DHRS7C: variants seen among roughly 807,000 people sequenced by gnomAD.
The protein encoded by DHRS7C is dehydrogenase/reductase SDR family member 7C.
In DHRS7C, 28 loss-of-function variants were observed where a neutral mutation model predicts 29.6. The ratio of observed to expected loss-of-function variants is 0.95; its 90% CI spans 0.70 to 1.30. The LOEUF (loss-of-function observed/expected upper bound fraction) is 1.30. Ranked by LOEUF, DHRS7C falls within the 50% of genes most tolerant of loss-of-function variation. The probability of loss-of-function intolerance (pLI) is 0.00; values close to 1 mark genes in which losing one functional copy is unlikely to be tolerated. For missense variants in DHRS7C, 403 were observed against 393.3 expected (o/e 1.02, Z -0.21); for synonymous variants, 158 against 160.2 (o/e 0.99, Z 0.10).
At chr17:9,780,168 G>A (rs998307626) in intron 2 of DHRS7C, 133 bp from the exon 3 acceptor site, 41 of 778,494 alleles carry the variant, frequency 5.3e-5, no homozygotes, top group Non-Finnish European at 6.8e-5. Flanking sequence ...AAAAAAAGAC[G>A]AAGAAGCAGA....
At chr17:9,790,238 C>A (rs1787944981) in intron 1 of DHRS7C, among the ~76,000 whole-genome samples, 1 of 152,082 alleles carries the variant, frequency 6.6e-6, no homozygotes, top group African/African-American at 2.4e-5. Flanking sequence ...TACTGAGTTA[C>A]TAATGAATGT....
chr17:9,787,918 C>T (rs1030547350), intron 1 of DHRS7C, among the ~76,000 whole-genome samples: 2 of 152,078 alleles, frequency 1.3e-5, no homozygotes, highest in African/African-American at 4.8e-5. Flanking sequence ...ACTATGTTGC[C>T]CAGGCTGGTC....
intron 2 of DHRS7C, among the ~76,000 whole-genome samples, chr17:9,780,517 C>T (rs2066387740): frequency 6.6e-6 from 1 of 152,198 alleles, no homozygotes; most frequent in Admixed American, 6.5e-5. Flanking sequence ...GAAGCACCTA[C>T]TATGTGCCAG....
At position 9,773,741 on chromosome 17, in the gene DHRS7C, T is replaced by TTTC. The variant is rs57969612; in HGVS notation, c.572-820_572-819insGAA. On this transcript the variant is annotated intron_variant, in intron 4 of 5. Coordinates refer to ENST00000571134, the MANE Select transcript of DHRS7C (RefSeq NM_001105571.3). ...GGCCTTTTTTTTTTTTTTTTTTTTT[T>TTTC]TGAGACGGCGTCTCACTCTGTTGCC... Among the ~76,000 whole-genome samples, 483 of 129,308 alleles carry TTTC rather than the reference T, an allele frequency of 3.7e-3. 43 individuals are homozygous for TTTC. Among genetic ancestry groups the TTTC allele is most frequent in the African/African-American group, 0.012 (358 of 31,094 alleles). 84.8% of individuals were successfully genotyped at this position (129,308 alleles called of 152,430 possible). A position where few individuals can be genotyped will look rare whatever the true frequency, so the allele number is the denominator to read the frequency against.
Position 9,772,866 on chromosome 17 carries a change from C to G in DHRS7C, c.628G>C (p.Glu210Gln), listed in dbSNP as rs201924684. The change falls in exon 5 of 6, where the codon GAG (glutamate) becomes CAG (glutamine). Residue 210 changes from glutamate (E) to glutamine (Q), a missense_variant. Physicochemically the swap from Glu to Gln is conservative, Grantham distance 29 (BLOSUM62 2). Transcript: ENST00000571134. ...GFFDCLRAEV[E>Q]EYDVVISTVS... ...GTGCTGATGACAACATCGTATTCCT[C>G]CACTTCGGCTCGGAGGCAGTCAAAG... 141 of 1,613,924 alleles carry G rather than the reference C, an allele frequency of 8.7e-5. No homozygotes were observed. In the African/African-American group the frequency reaches 1.5e-3, roughly 17 times the overall value.
intron 1 of DHRS7C, among the ~76,000 whole-genome samples, chr17:9,785,510 A>G (rs571178170): frequency 6.6e-6 from 1 of 152,356 alleles, no homozygotes; most frequent in East Asian, 1.9e-4. Flanking sequence ...GAGTTGGTTG[A>G]GAGCTCGTCT....
At chr17:9,783,828 C>A (rs753427561) in intron 1 of DHRS7C, among the ~76,000 whole-genome samples, 21 of 151,954 alleles carry the variant, frequency 1.4e-4, no homozygotes, top group Non-Finnish European at 2.5e-4. Context: ...TTAATCCCAG[C>A]TGCTTGGGTG....
chr17:9,776,195 T>G (rs2066361648), intron 4 of DHRS7C, among the ~76,000 whole-genome samples: 1 of 152,050 alleles, frequency 6.6e-6, no homozygotes, highest in Non-Finnish European at 1.5e-5. Flanking sequence ...AGAGTGAGAT[T>G]CTGTCTCAAA....
chr17:9,772,685 A>G (rs2066337365), intron 5 of DHRS7C, 82 bp downstream of exon 5: 4 of 1,516,708 alleles, frequency 2.6e-6, no homozygotes, highest in Non-Finnish European at 3.6e-6. Context: ...AGGAGTACCC[A>G]TCTGAAGGTC....
intron 3 of DHRS7C, among the ~76,000 whole-genome samples, chr17:9,778,537 C>G (rs1282979103): frequency 6.6e-6 from 1 of 152,320 alleles, no homozygotes; most frequent in East Asian, 1.9e-4. Context: ...TTCCACTCCA[C>G]TTTCTTGGTT....
chr17:9,791,119 A>C lies in DHRS7C; in HGVS notation c.154+12T>G. On this transcript the variant is annotated intron_variant, in intron 1 of 5. Transcript: ENST00000571134. The stretch of plus-strand genomic sequence containing the variant: ...GCAGAAATGGGCACAGGTGGGAGCA[A>C]AGCCAGCTTACCCTTGCCCAGTCCT... The C allele has an allele frequency of 1.2e-6, 2 of 1,607,074 alleles. No individual in the cohort carries two copies. Among genetic ancestry groups the C allele is most frequent in the Non-Finnish European group, 1.7e-6 (2 of 1,176,278 alleles).
chr17:9,785,585 G>T (rs1170917406), intron 1 of DHRS7C, among the ~76,000 whole-genome samples: 1 of 152,222 alleles, frequency 6.6e-6, no homozygotes, highest in African/African-American at 2.4e-5. Flanking sequence ...TTGGTGGGGA[G>T]TAGACTGCCC....
rs1289078351 is a variant in DHRS7C at position 9,775,943 on chromosome 17, T to C, written c.571+1250A>G. 2.0e-5 allele frequency among the ~76,000 whole-genome samples: 3 copies of C among 152,242 alleles called. No individual in the cohort carries two copies. ...GGGGCCGGGCATGGTGGCTCACGCC[T>C]GTAATCCCAGCACTTTGGGAGGTCA... On this transcript the variant is annotated intron_variant, in intron 4 of 5. Coordinates refer to ENST00000571134, the MANE Select transcript of DHRS7C (RefSeq NM_001105571.3). The surrounding 1 kb of genome is among the most constrained non-coding windows in gnomAD (Gnocchi z 4.2).
intron 5 of DHRS7C, 41 bp downstream of exon 5, chr17:9,772,726 C>T (rs2066337735): frequency 1.2e-6 from 2 of 1,608,096 alleles, no homozygotes; most frequent in Non-Finnish European, 8.5e-7. Context: ...CGGACTGTTC[C>T]CGAGGCCCCC....
chr17:9,776,890 G>A (rs1445795789), intron 4 of DHRS7C, among the ~76,000 whole-genome samples: 1 of 152,186 alleles, frequency 6.6e-6, no homozygotes. Flanking sequence ...ATCTTTCTCA[G>A]GAGCGTGACC....
At chr17:9,776,097 G>C (rs1351158696) in intron 4 of DHRS7C, among the ~76,000 whole-genome samples, 1 of 152,238 alleles carries the variant, frequency 6.6e-6, no homozygotes, top group Admixed American at 6.5e-5. Flanking sequence ...CAGCTACTCA[G>C]GAGGCTGAGG....
chr17:9,771,729 A>G, intron 5 of DHRS7C, 33 bp from the exon 6 acceptor site: 1 of 1,389,070 alleles, frequency 7.2e-7, no homozygotes, highest in Non-Finnish European at 9.4e-7. Flanking sequence ...GGGGGTTATG[A>G]CCTCCGTGGG....
rs139833415 is a variant in DHRS7C, at chr17:9,782,408, T to C, written c.155-814A>G. On this transcript the variant is annotated intron_variant, in intron 1 of 5. Coordinates refer to ENST00000571134, the MANE Select transcript of DHRS7C (RefSeq NM_001105571.3). ...CCTATCGGGGAGTGAGGTCATGGAATAGGGGCCAGGAGAGGATGTGGTCTC... is the reference window on the plus strand; with the variant it reads ...CCTATCGGGGAGTGAGGTCATGGAACAGGGGCCAGGAGAGGATGTGGTCTC... 5.7e-3 allele frequency among the ~76,000 whole-genome samples: 870 copies of C among 152,204 alleles called. 7 individuals are homozygous for C. Among genetic ancestry groups the C allele is most frequent in the African/African-American group, 0.02 (828 of 41,530 alleles).
chr17:9,778,871 G>A (rs542060991), intron 3 of DHRS7C, among the ~76,000 whole-genome samples: 2 of 152,246 alleles, frequency 1.3e-5, no homozygotes, highest in South Asian at 2.1e-4. Context: ...TTCCCCCTGA[G>A]CTTCTGCTTT....
Sources: gnomAD v4.1 joint callset for allele counts (sites outside exome capture counted in the v4.1 genomes callset) on GRCh38, gnomAD v4.1.1 for gene constraint, Gnocchi (gnomAD v3.1) non-coding constraint, MANE v1.5 for transcripts, NCBI Gene and HGNC (gene_info 2026-07-23, HGNC 2026-07-21) for gene names.